Variants in SYN2 observed in about 807,000 individuals in gnomAD.
SYN2 encodes synapsin-2.
SYN2 carries 19 observed loss-of-function variants against 50.9 expected under a neutral mutation model. That is an observed-to-expected ratio of 0.37 (90% CI 0.26 to 0.55). The LOEUF (loss-of-function observed/expected upper bound fraction) is 0.55. Among genes scored for constraint, SYN2 ranks in the 20% least tolerant of loss-of-function variants. The pLI, the probability that SYN2 is intolerant of heterozygous loss-of-function variation, is 0.81. For missense variants in SYN2, 587 were observed against 576.4 expected (o/e 1.02, Z -0.19); for synonymous variants, 255 against 224.9 (o/e 1.13, Z -1.20).
At chr3:12,022,928 G>GCAA (rs2307981) in intron 1 of SYN2, among the ~76,000 whole-genome samples, 97,292 of 151,620 alleles carry the variant, frequency 0.64, 33,712 homozygotes, top group South Asian at 0.78. Flanking sequence ...CAATATGAGA[G>GCAA]CAACACCCTG....
At chr3:12,180,200 C>T (rs553579441) in intron 10 of SYN2, among the ~76,000 whole-genome samples, 5 of 151,696 alleles carry the variant, frequency 3.3e-5, no homozygotes, top group South Asian at 2.1e-4. Flanking sequence ...CCACGCACCT[C>T]GGCCTCCCAC....
At chr3:12,164,870 A>G (rs1697742200) in intron 7 of SYN2, among the ~76,000 whole-genome samples, 1 of 152,186 alleles carries the variant, frequency 6.6e-6, no homozygotes, top group Admixed American at 6.5e-5. Flanking sequence ...CAACAGGGTT[A>G]TATAATATTT....
intron 1 of SYN2, among the ~76,000 whole-genome samples, chr3:12,119,951 A>G (rs919106408): frequency 2.0e-5 from 3 of 152,186 alleles, no homozygotes; most frequent in Admixed American, 6.5e-5. Flanking sequence ...GAAGCTAGAA[A>G]GTGTCTTAGA....
At chr3:12,148,284 C>T (rs753446439) in intron 4 of SYN2, among the ~76,000 whole-genome samples, 2 of 152,090 alleles carry the variant, frequency 1.3e-5, no homozygotes, top group Non-Finnish European at 2.9e-5. Context: ...TGCCTTGGGC[C>T]CTGCATGAGG....
intron 1 of SYN2, among the ~76,000 whole-genome samples, chr3:12,050,438 C>G (rs1694831542): frequency 6.7e-6 from 1 of 150,216 alleles, no homozygotes; most frequent in East Asian, 2.0e-4. Flanking sequence ...CTCTGCCTCC[C>G]AGGTTCAAGT....
intron 1 of SYN2, among the ~76,000 whole-genome samples, chr3:12,107,602 G>C (rs527718888): frequency 6.6e-6 from 1 of 152,116 alleles, no homozygotes; most frequent in Non-Finnish European, 1.5e-5. Context: ...ATATGGTACT[G>C]TACTTTAAAG....
At chr3:12,057,272 A>G (rs1262245924) in intron 1 of SYN2, among the ~76,000 whole-genome samples, 1 of 133,280 alleles carries the variant, frequency 7.5e-6, no homozygotes, top group Non-Finnish European at 1.6e-5. Flanking sequence ...AACCTGGGCG[A>G]CAAGGCAAGA....
chr3:12,159,904 G>T (rs929415816), intron 5 of SYN2, among the ~76,000 whole-genome samples: 1 of 151,980 alleles, frequency 6.6e-6, no homozygotes, highest in African/African-American at 2.4e-5. Flanking sequence ...TTAGCCGGGC[G>T]TGGTGGCCTA....
At chr3:12,042,923 G>A (rs913175372) in intron 1 of SYN2, among the ~76,000 whole-genome samples, 4 of 152,106 alleles carry the variant, frequency 2.6e-5, no homozygotes, top group African/African-American at 4.8e-5. Flanking sequence ...TACAGCCTTC[G>A]GAGGGAACAT....
intron 12 of SYN2, among the ~76,000 whole-genome samples, chr3:12,189,030 C>T (rs1460404891): frequency 6.6e-6 from 1 of 152,190 alleles, no homozygotes; most frequent in Non-Finnish European, 1.5e-5. Context: ...TGTTGGGTCT[C>T]GTTCCCAGCC....
At chr3:12,012,672 G>T (rs1202335090) in intron 1 of SYN2, among the ~76,000 whole-genome samples, 1 of 152,132 alleles carries the variant, frequency 6.6e-6, no homozygotes, top group Non-Finnish European at 1.5e-5. Flanking sequence ...TCTTGTCCTG[G>T]TTCTCTTACC....
chr3:12,048,917 A>G (rs1443921952), intron 1 of SYN2, among the ~76,000 whole-genome samples: 1 of 152,180 alleles, frequency 6.6e-6, no homozygotes, highest in Non-Finnish European at 1.5e-5. Flanking sequence ...TCGTTGGTTT[A>G]TGGATTTTAC....
intron 1 of SYN2, among the ~76,000 whole-genome samples, chr3:12,005,872 G>T (rs1356640198): frequency 6.6e-6 from 1 of 152,020 alleles, no homozygotes; most frequent in African/African-American, 2.4e-5. Flanking sequence ...GTTAAAAGCG[G>T]CTCTATTTTA....
At chr3:12,009,907 C>T (rs1693880771) in intron 1 of SYN2, among the ~76,000 whole-genome samples, 1 of 152,128 alleles carries the variant, frequency 6.6e-6, no homozygotes, top group Admixed American at 6.5e-5. Flanking sequence ...TCAAGACCAG[C>T]AACACGGTGA....
intron 1 of SYN2, among the ~76,000 whole-genome samples, chr3:12,115,684 G>T (rs914752768): frequency 1.3e-5 from 2 of 152,176 alleles, no homozygotes; most frequent in African/African-American, 4.8e-5. Flanking sequence ...GGTTCTGGCT[G>T]ATGGTCTTTG....
chr3:12,081,135 C>T (rs1695579522), intron 1 of SYN2, among the ~76,000 whole-genome samples: 1 of 152,108 alleles, frequency 6.6e-6, no homozygotes, highest in African/African-American at 2.4e-5. Flanking sequence ...CACTATTAAC[C>T]TCGTATAGTG....
Position 12,140,655 on chromosome 3 carries a change from A to G in SYN2, c.382A>G (p.Lys128Glu), listed in dbSNP as rs1696995775. Residue 128 changes from lysine to glutamate, a missense_variant, in exon 2 of 13, where the codon AAG becomes GAG. By Grantham distance (56) the Lys-to-Glu change is moderately conservative. Coordinates refer to ENST00000621198, the MANE Select transcript of SYN2 (RefSeq NM_133625.6). ...VVDEPHADWA[K>E]CFRGKKVLGD... ...TGGGTTTATTCTTTTCTCCAGGGCC[A>G]AGTGCTTTCGGGGCAAAAAAGTCCT... 1 of 761,808 alleles carries G rather than the reference A, an allele frequency of 1.3e-6. No individual in the cohort carries two copies. The allele number at this position is 761,808 out of a possible 1,614,324, so 47.2% of individuals were successfully genotyped here.
intron 3 of SYN2, 48 bp from the exon 4 acceptor site, chr3:12,145,631 G>T: frequency 3.1e-6 from 5 of 1,599,382 alleles, no homozygotes; most frequent in Non-Finnish European, 4.3e-6. Context: ...AATGATGTAT[G>T]GCCTGAAGTG....
At chr3:12,019,570 G>A (rs1318171648) in intron 1 of SYN2, among the ~76,000 whole-genome samples, 2 of 152,264 alleles carry the variant, frequency 1.3e-5, no homozygotes, top group African/African-American at 4.8e-5. Context: ...AATGGGATGA[G>A]ACTAATTTTC....
Sources: allele counts gnomAD v4.1 joint callset (sites outside exome capture counted in the v4.1 genomes callset), GRCh38; gene constraint gnomAD v4.1.1; transcripts MANE v1.5; gene names NCBI Gene and HGNC (gene_info 2026-07-23, HGNC 2026-07-21).